HADH: variants seen among roughly 807,000 people sequenced by gnomAD.
HADH encodes hydroxyacyl-CoA dehydrogenase, also known as hydroxyacyl-coenzyme A dehydrogenase, mitochondrial.
Under a neutral mutation model 32.2 loss-of-function variants are expected in HADH, and 24 were observed. The observed-to-expected ratio is 0.75, with a 90% CI of 0.54 to 1.05. HADH has a LOEUF of 1.05. Among genes scored for constraint, HADH ranks in the 50% least tolerant of loss-of-function variants. The pLI is 0.00. For synonymous variants in HADH, 139 were observed against 152.5 expected (o/e 0.91, Z 0.65); for missense variants, 350 against 397.1 (o/e 0.88, Z 1.01).
intron 1 of HADH, among the ~76,000 whole-genome samples, chr4:107,990,837 C>T (rs1386437148): frequency 6.6e-6 from 1 of 151,132 alleles, no homozygotes; most frequent in Non-Finnish European, 1.5e-5. Flanking sequence ...GCAACCTCCG[C>T]CTCCCGGGTT....
intron 3 of HADH, among the ~76,000 whole-genome samples, chr4:108,015,820 C>CT (rs1261825342): frequency 7.9e-5 from 12 of 152,132 alleles, no homozygotes; most frequent in Non-Finnish European, 1.8e-4. Flanking sequence ...ACACTGGCAT[C>CT]TAGAGGCTGC....
rs956474779 is a variant in HADH, at chr4:108,019,389, A to T, written c.420-151A>T. The T allele has an allele frequency of 4.0e-6, 3 of 743,050 alleles. No individual in the cohort carries two copies. The African/African-American group carries it at 5.2e-5, about 13-fold the overall frequency. The allele number at this position is 743,050 out of a possible 1,614,324, so 46.0% of individuals were successfully genotyped here. A position where few individuals can be genotyped will look rare whatever the true frequency, so the allele number is the denominator to read the frequency against. The stretch of plus-strand genomic sequence containing the variant: ...TGAAGTCACTTGATTTCAGCCTCTT[A>T]TATGAAGATGTGTCTTCTCCCTCAT... On this transcript the variant is annotated intron_variant, in intron 3 of 7. Coordinates refer to ENST00000309522, the MANE Select transcript of HADH (RefSeq NM_005327.7).
At chr4:108,026,956 A>G (rs1365513464) in intron 5 of HADH, 1 of 152,846 alleles carries the variant, frequency 6.5e-6, no homozygotes, top group Non-Finnish European at 1.5e-5. Flanking sequence ...TGAGAAGGGA[A>G]ATGGATGAAA....
At chr4:108,009,603 A>C (rs752326505) in intron 1 of HADH, among the ~76,000 whole-genome samples, 156 bp from the exon 2 acceptor site, 2 of 152,176 alleles carry the variant, frequency 1.3e-5, no homozygotes, top group Non-Finnish European at 2.9e-5. Flanking sequence ...TGTTTAGTTA[A>C]TGTTGACTTA....
chr4:108,022,219 G>A (rs879712677), intron 4 of HADH, among the ~76,000 whole-genome samples: 40 of 149,282 alleles, frequency 2.7e-4, no homozygotes, highest in Non-Finnish European at 4.6e-4. Flanking sequence ...GTGTGTGTGT[G>A]TGTGTATAGT....
chr4:107,997,467 G>C (rs1011706187), intron 1 of HADH, among the ~76,000 whole-genome samples: 2 of 152,102 alleles, frequency 1.3e-5, no homozygotes, highest in African/African-American at 4.8e-5. Flanking sequence ...AATAAATCCA[G>C]TGTGCTTCTG....
chr4:108,032,981 C>CA (rs1013476130), intron 6 of HADH, 195 bp from the exon 7 acceptor site: 102 of 592,080 alleles, frequency 1.7e-4, no homozygotes, highest in Admixed American at 2.7e-4. Flanking sequence ...GACTCTGTCT[C>CA]AAAAAAAACA....
At chr4:108,027,458 G>A (rs1297931547) in intron 5 of HADH, 5 of 588,928 alleles carry the variant, frequency 8.5e-6, no homozygotes, top group Non-Finnish European at 1.5e-5. Context: ...TTTATGTCAG[G>A]ATCTGTGCAG....
At chr4:108,029,118 G>C (rs1038641526) in intron 6 of HADH, 1 of 380,578 alleles carries the variant, frequency 2.6e-6, no homozygotes, top group Non-Finnish European at 4.6e-6. Flanking sequence ...GGTGGGTGCT[G>C]CTTCCCTACT....
intron 2 of HADH, among the ~76,000 whole-genome samples, chr4:108,013,025 C>T (rs959191252): frequency 2.2e-4 from 34 of 152,286 alleles, no homozygotes; most frequent in African/African-American, 7.2e-4. Context: ...CTCCACCTCC[C>T]GGGTTCACGC....
chr4:108,014,562 C>G lies in HADH; in HGVS notation c.393C>G (p.Phe131Leu). 1 of 1,613,590 alleles carries G rather than the reference C, an allele frequency of 6.2e-7. No individual in the cohort carries two copies. The highest frequency in any genetic ancestry group is 1.3e-5 in the African/African-American group (1 of 74,896). The change falls in exon 3 of 8, where the codon TTC becomes TTG. Residue 131 changes from phenylalanine (F) to leucine (L), a missense_variant. Phe to Leu is a conservative substitution (Grantham distance 22). Transcript: ENST00000309522. ...VENLKVKNEL[F>L]KRLDKFAAEH... ...ATCTGAAGGTGAAAAACGAGCTCTT[C>G]AAAAGGCTGGACAAGTTTGCTGCTG...
At chr4:108,005,118 T>C in intron 1 of HADH, 1 of 394,934 alleles carries the variant, frequency 2.5e-6, no homozygotes, top group Non-Finnish European at 4.5e-6. Flanking sequence ...TTTGATCTTA[T>C]GGTTACCAAA....
intron 2 of HADH, among the ~76,000 whole-genome samples, chr4:108,010,625 A>G (rs1346125721): frequency 6.6e-6 from 1 of 152,220 alleles, no homozygotes; most frequent in Non-Finnish European, 1.5e-5. Context: ...TCAAGTATCC[A>G]AGGTGGTATA....
intron 6 of HADH, chr4:108,029,272 A>G (rs1356850091): frequency 1.1e-5 from 2 of 190,292 alleles, no homozygotes; most frequent in Non-Finnish European, 2.1e-5. Context: ...AGCTTCAAGC[A>G]TCTGGAGGCT....
chr4:108,005,594 T>G (rs1404912656), intron 1 of HADH, among the ~76,000 whole-genome samples: 7 of 152,212 alleles, frequency 4.6e-5, no homozygotes, highest in Non-Finnish European at 1.0e-4. Flanking sequence ...TCAAATACAG[T>G]CATATGCTCA....
chr4:108,017,499 G>A (rs1292524073), intron 3 of HADH, among the ~76,000 whole-genome samples: 4 of 150,860 alleles, frequency 2.7e-5, no homozygotes, highest in Admixed American at 6.6e-5. Flanking sequence ...CTGAGTGTCC[G>A]AATGAAAAAA....
chr4:108,005,997 G>A (rs889030738), intron 1 of HADH, among the ~76,000 whole-genome samples: 3 of 152,216 alleles, frequency 2.0e-5, no homozygotes, highest in Non-Finnish European at 2.9e-5. Flanking sequence ...TGTGGCCAGA[G>A]GTCAAGGCTA....
intron 3 of HADH, among the ~76,000 whole-genome samples, chr4:108,018,702 C>G (rs1056361100): frequency 1.3e-5 from 2 of 152,144 alleles, no homozygotes; most frequent in Non-Finnish European, 2.9e-5. Context: ...GGATCCTTTC[C>G]TTTCCTGCCC....
intron 5 of HADH, 183 bp from the exon 6 acceptor site, chr4:108,027,505 T>A: frequency 1.5e-6 from 1 of 665,402 alleles, no homozygotes; most frequent in Non-Finnish European, 2.7e-6. Context: ...TTAAGTACTA[T>A]GATTGTTGGA....
Sources: gnomAD v4.1 joint callset for allele counts (sites outside exome capture counted in the v4.1 genomes callset) on GRCh38, gnomAD v4.1.1 for gene constraint, MANE v1.5 for transcripts, NCBI Gene and HGNC (gene_info 2026-07-23, HGNC 2026-07-21) for gene names.